The following AMPH variants were observed in gnomAD, a reference collection of about 807,000 sequenced individuals.
The protein encoded by AMPH is amphiphysin (Stiff-Mann syndrome with breast cancer 128kD autoantigen).
A neutral mutation model predicts 99.1 loss-of-function variants in AMPH; 49 were observed. The observed-to-expected ratio is 0.49, with a 90% CI of 0.39 to 0.63. The LOEUF is 0.63. Ranked by LOEUF, AMPH falls within the 20% of genes least tolerant of loss-of-function variation. AMPH has a pLI of 0.00. For synonymous variants in AMPH, 314 were observed against 317.3 expected (o/e 0.99, Z 0.11); for missense variants, 759 against 863.4 (o/e 0.88, Z 1.52).
chr7:38,543,306 A>C (rs957679137), intron 1 of AMPH, among the ~76,000 whole-genome samples: 6 of 152,164 alleles, frequency 3.9e-5, no homozygotes, highest in African/African-American at 1.4e-4. Flanking sequence ...AATATTAAAG[A>C]AGATGTTGAC....
intron 2 of AMPH, among the ~76,000 whole-genome samples, chr7:38,511,467 A>G (rs948710218): frequency 6.6e-6 from 1 of 152,358 alleles, no homozygotes; most frequent in South Asian, 2.1e-4. Context: ...AGGCTCCCAG[A>G]GTATACAAGA....
rs560347079 is a variant in AMPH at position 38,520,685 on chromosome 7, T to C, written c.150+14246A>G. Among the ~76,000 whole-genome samples, 3 of 152,228 alleles carry C rather than the reference T, an allele frequency of 2.0e-5. No homozygotes were observed. In the South Asian group the frequency reaches 6.2e-4, roughly 32 times the overall value. Reference sequence around the variant, plus strand: ...CTCCTGACTGAGGGGATGGGGAAAATACCACTAGAATATTCCTTGTGAGTT... The same window carrying C: ...CTCCTGACTGAGGGGATGGGGAAAACACCACTAGAATATTCCTTGTGAGTT... On this transcript the variant is annotated intron_variant, in intron 2 of 20. Transcript: ENST00000356264.
chr7:38,398,617 G>A (rs117539513), intron 17 of AMPH, among the ~76,000 whole-genome samples: 2 of 152,046 alleles, frequency 1.3e-5, no homozygotes, highest in Non-Finnish European at 2.9e-5. Context: ...ATAAGACCTA[G>A]TATTTCATAA....
chr7:38,482,824 T>A (rs937294438), intron 5 of AMPH, among the ~76,000 whole-genome samples: 6 of 152,134 alleles, frequency 3.9e-5, no homozygotes, highest in African/African-American at 1.4e-4. Flanking sequence ...AGTATTGCTT[T>A]TAAGGAGATT....
At chr7:38,535,065 A>T in intron 1 of AMPH, 54 bp from the exon 2 acceptor site, 1 of 1,515,190 alleles carries the variant, frequency 6.6e-7, no homozygotes, top group Non-Finnish European at 9.1e-7. Context: ...TCAAAGAAAG[A>T]TGTGCATTTT....
intron 12 of AMPH, among the ~76,000 whole-genome samples, chr7:38,435,844 G>A (rs1337060796): frequency 3.9e-5 from 6 of 152,144 alleles, no homozygotes; most frequent in African/African-American, 7.2e-5. Context: ...CTGCTGGCCC[G>A]TGCTTTCATG....
intron 1 of AMPH, among the ~76,000 whole-genome samples, chr7:38,575,378 A>C (rs1792200626): frequency 6.6e-6 from 1 of 152,192 alleles, no homozygotes; most frequent in Non-Finnish European, 1.5e-5. Context: ...TTCTAAGGGA[A>C]GTCTCCAAAG....
At chr7:38,414,342 C>A (rs1027751256) in intron 17 of AMPH, among the ~76,000 whole-genome samples, 1 of 152,190 alleles carries the variant, frequency 6.6e-6, no homozygotes, top group Non-Finnish European at 1.5e-5. Context: ...CTAAGAACGT[C>A]TTTACCACAG....
At chr7:38,570,972 TATATATATATTCAATATATATATATTC>T (rs1562834288) in intron 1 of AMPH, among the ~76,000 whole-genome samples, 167 of 15,964 alleles carry the variant, frequency 0.01, 38 homozygotes, top group African/African-American at 0.035. Context: ...ATATATAGAA[TATATATATATTCAATATATATATATTC>T]ATATATATAG....
At chr7:38,496,849 A>T (rs1788951906) in intron 3 of AMPH, among the ~76,000 whole-genome samples, 1 of 152,198 alleles carries the variant, frequency 6.6e-6, no homozygotes, top group East Asian at 1.9e-4. Flanking sequence ...ACAACTGTGT[A>T]GATAGGTTTT....
At chr7:38,483,932 C>T (rs1262799642) in intron 5 of AMPH, among the ~76,000 whole-genome samples, 1 of 151,752 alleles carries the variant, frequency 6.6e-6, no homozygotes, top group Non-Finnish European at 1.5e-5. Context: ...TAGAAAATAT[C>T]AAACAGAAAT....
chr7:38,460,943 T>C (rs1179090406), intron 11 of AMPH, among the ~76,000 whole-genome samples: 1 of 152,220 alleles, frequency 6.6e-6, no homozygotes, highest in East Asian at 1.9e-4. Flanking sequence ...CCACATCCTA[T>C]GCATATAACA....
intron 14 of AMPH, chr7:38,427,982 A>C (rs2128991474): frequency 2.2e-6 from 1 of 456,672 alleles, no homozygotes; most frequent in African/African-American, 2.0e-5. Flanking sequence ...AGGTCCCCAA[A>C]ATCAATGGTC....
At chr7:38,474,469 G>A (rs1368922658) in intron 7 of AMPH, among the ~76,000 whole-genome samples, 4 of 152,076 alleles carry the variant, frequency 2.6e-5, no homozygotes, top group African/African-American at 4.8e-5. Context: ...AAACACTAGC[G>A]ATGAACACAA....
At chr7:38,418,064 C>T in intron 16 of AMPH, 114 bp from the exon 17 acceptor site, 1 of 1,239,638 alleles carries the variant, frequency 8.1e-7, no homozygotes, top group Non-Finnish European at 1.1e-6. Flanking sequence ...CAACTAGCTT[C>T]ATGAAATCCG....
Position 38,469,070 on chromosome 7 carries a change from C to T in AMPH, c.591-2822G>A, listed in dbSNP as rs1348166179. 2.3e-5 allele frequency among the ~76,000 whole-genome samples: 2 copies of T among 88,724 alleles called. 1 individual carries two copies. The highest frequency in any genetic ancestry group is 9.8e-5 in the African/African-American group (2 of 20,414). 58.2% of individuals were successfully genotyped at this position (88,724 alleles called of 152,430 possible). A position where few individuals can be genotyped will look rare whatever the true frequency, so the allele number is the denominator to read the frequency against. On this transcript the variant is annotated intron_variant, in intron 7 of 20. Coordinates refer to ENST00000356264, the MANE Select transcript of AMPH (RefSeq NM_001635.4). ...TCGGGAGGCTGAGGCAGGAGAATGG[C>T]GTGAACCCGGGAGGCGGAGCTTGCA...
In AMPH at chr7:38,398,729, G is replaced by A. The variant is rs986302491; in HGVS notation, c.1399-4515C>T. Among the ~76,000 whole-genome samples the A allele has an allele frequency of 2.6e-5, 4 of 152,144 alleles. No homozygotes were observed. In the South Asian group the frequency reaches 6.2e-4, roughly 24 times the overall value. On this transcript the variant is annotated intron_variant, in intron 17 of 20. Coordinates refer to ENST00000356264, the MANE Select transcript of AMPH (RefSeq NM_001635.4). ...ATGCAAAAAAAGGATAAATGCTTAA[G>A]GAGGTGATAGATATATTTACCCTGA...
At chr7:38,609,738 T>C (rs1793560407) in intron 1 of AMPH, among the ~76,000 whole-genome samples, 1 of 100,372 alleles carries the variant, frequency 1.0e-5, no homozygotes, top group Non-Finnish European at 2.0e-5. Flanking sequence ...TGGTTACCCC[T>C]GGGTAATAGA....
At chr7:38,448,457 C>T (rs1254335707) in intron 11 of AMPH, among the ~76,000 whole-genome samples, 1 of 152,110 alleles carries the variant, frequency 6.6e-6, no homozygotes, top group African/African-American at 2.4e-5. Context: ...TACATACATA[C>T]CTATGATAAA....
Sources: allele counts gnomAD v4.1 joint callset (sites outside exome capture counted in the v4.1 genomes callset), GRCh38; gene constraint gnomAD v4.1.1; transcripts MANE v1.5; gene names NCBI Gene and HGNC (gene_info 2026-07-23, HGNC 2026-07-21).